Variants in SPATA31F1 observed in about 807,000 individuals in gnomAD.
The protein encoded by SPATA31F1 is SPATA31 subfamily F member 1, also known as protein SPATA31F1.
the SPATA31F1 span, chr9:34,729,243 T>C: frequency 1.3e-6 from 2 of 1,536,338 alleles, no homozygotes; most frequent in Non-Finnish European, 1.8e-6. Context: ...ATAGGCTTCT[T>C]ATCTGAGGCT....
the SPATA31F1 span, chr9:34,723,724 C>T: frequency 3.2e-5 from 49 of 1,551,702 alleles, no homozygotes; most frequent in Non-Finnish European, 4.0e-5. Flanking sequence ...TTGGTTGGCT[C>T]AGGAAAGGCT....
chr9:34,727,540 G>A, the SPATA31F1 span, among the ~76,000 whole-genome samples: 1 of 152,204 alleles, frequency 6.6e-6, no homozygotes, highest in East Asian at 1.9e-4. Context: ...ATAGACTCCT[G>A]TCTAAGGAGT....
chr9:34,727,076 C>T, the SPATA31F1 span: 1 of 1,474,492 alleles, frequency 6.8e-7, no homozygotes, highest in Non-Finnish European at 9.0e-7. Flanking sequence ...TCTCCTTTCC[C>T]AGTCCTGAAA....
the SPATA31F1 span, chr9:34,723,376 G>A: frequency 3.2e-6 from 5 of 1,551,746 alleles, no homozygotes; most frequent in Non-Finnish European, 3.5e-6. Context: ...GACCATCCAA[G>A]AAGGCTGGGC....
the SPATA31F1 span, chr9:34,726,841 C>A: frequency 6.4e-7 from 1 of 1,551,684 alleles, no homozygotes; most frequent in Non-Finnish European, 8.7e-7. Flanking sequence ...AGGAGCCCTG[C>A]AATGGCCCCG....
the SPATA31F1 span, chr9:34,724,327 T>A: frequency 6.4e-7 from 1 of 1,551,402 alleles, no homozygotes; most frequent in Non-Finnish European, 8.7e-7. Context: ...TCTGCTGCAC[T>A]GCCTTCAAGT....
At chr9:34,727,860 C>T in the SPATA31F1 span, among the ~76,000 whole-genome samples, 2 of 152,186 alleles carry the variant, frequency 1.3e-5, no homozygotes, top group African/African-American at 4.8e-5. Flanking sequence ...GACATGTGAA[C>T]CCCACTCTTC....
chr9:34,723,567 T>C, the SPATA31F1 span: 1 of 1,551,764 alleles, frequency 6.4e-7, no homozygotes, highest in Non-Finnish European at 8.7e-7. Flanking sequence ...CCTTTTGTCT[T>C]GGGGTTAATA....
At chr9:34,729,348 AT>A in the SPATA31F1 span, 4 of 1,551,798 alleles carry the variant, frequency 2.6e-6, no homozygotes, top group Non-Finnish European at 3.5e-6. Context: ...TTGCCAGATA[AT>A]TACAATAACG....
At chr9:34,728,094 G>C in the SPATA31F1 span, 2 of 1,551,570 alleles carry the variant, frequency 1.3e-6, no homozygotes, top group African/African-American at 2.7e-5. Context: ...TGAGGAACGG[G>C]GAGACAGTGT....
At chr9:34,727,112 G>T in the SPATA31F1 span, 13 of 1,426,252 alleles carry the variant, frequency 9.1e-6, no homozygotes, top group South Asian at 2.0e-4. Context: ...CCATCTTGTT[G>T]TCTACCTGTC....
chr9:34,728,035 A>G, the SPATA31F1 span: 4 of 1,552,058 alleles, frequency 2.6e-6, no homozygotes, highest in Admixed American at 7.8e-5. Flanking sequence ...TTAATGATGG[A>G]GAGCAGCTTC....
At chr9:34,727,123 T>C in the SPATA31F1 span, 9 of 1,416,622 alleles carry the variant, frequency 6.4e-6, no homozygotes, top group Non-Finnish European at 8.3e-6. Context: ...TCTACCTGTC[T>C]GCTTTCCTTG....
At chr9:34,728,922 G>T in the SPATA31F1 span, among the ~76,000 whole-genome samples, 1 of 152,178 alleles carries the variant, frequency 6.6e-6, no homozygotes, top group African/African-American at 2.4e-5. Context: ...GGATGACACA[G>T]GAGGAAAAGC....
chr9:34,726,432 G>T, the SPATA31F1 span: 2 of 1,551,044 alleles, frequency 1.3e-6, no homozygotes, highest in East Asian at 2.4e-5. Flanking sequence ...GGATGCATCC[G>T]GTTCAGGGTT....
the SPATA31F1 span, chr9:34,725,686 C>G: frequency 6.6e-7 from 1 of 1,519,098 alleles, no homozygotes; most frequent in South Asian, 1.3e-5. Context: ...AGGCTTCATA[C>G]TCAGCCAGAG....
chr9:34,723,873 G>A, the SPATA31F1 span: 1 of 1,551,706 alleles, frequency 6.4e-7, no homozygotes, highest in Non-Finnish European at 8.7e-7. Context: ...GGAGGTAGCT[G>A]TGGGAGCTTA....
the SPATA31F1 span, chr9:34,723,537 T>TG: frequency 2.6e-6 from 4 of 1,551,796 alleles, no homozygotes; most frequent in Non-Finnish European, 3.5e-6. Context: ...GCTGAGAACA[T>TG]GGAGTCCTCA....
chr9:34,728,331 T>C, the SPATA31F1 span, among the ~76,000 whole-genome samples: 2,668 of 152,350 alleles, frequency 0.018, 47 homozygotes, highest in South Asian at 0.04. Context: ...TGGATAAGAA[T>C]GAGAGATGAA....
Sources: gnomAD v4.1 joint callset for allele counts (sites outside exome capture counted in the v4.1 genomes callset) on GRCh38, gnomAD v4.1.1 for gene constraint, MANE v1.5 for transcripts, NCBI Gene and HGNC (gene_info 2026-07-23, HGNC 2026-07-21) for gene names.